ZDHHC13: variants seen among roughly 807,000 people sequenced by gnomAD.
The protein encoded by ZDHHC13 is palmitoyltransferase ZDHHC13.
Under a neutral mutation model 86.0 loss-of-function variants are expected in ZDHHC13, and 85 were observed. That is an observed-to-expected ratio of 0.99 (90% confidence interval 0.83 to 1.18). The LOEUF (loss-of-function observed/expected upper bound fraction) is 1.18. Ranked by LOEUF, ZDHHC13 falls within the 50% of genes most tolerant of loss-of-function variation. The pLI is 0.00. For missense variants in ZDHHC13, 711 were observed against 730.2 expected (o/e 0.97, Z 0.30); for synonymous variants, 263 against 246.4 (o/e 1.07, Z -0.63).
chr11:19,154,203 A>G (rs1399943483), intron 8 of ZDHHC13, among the ~76,000 whole-genome samples: 2 of 152,196 alleles, frequency 1.3e-5, no homozygotes, highest in Admixed American at 6.6e-5. Context: ...AAGTTCATTG[A>G]TGTGTCCCAA....
At chr11:19,151,928 G>A (rs1368055516) in intron 6 of ZDHHC13, among the ~76,000 whole-genome samples, 2 of 151,974 alleles carry the variant, frequency 1.3e-5, no homozygotes, top group African/African-American at 4.8e-5. Flanking sequence ...TTATTCCACT[G>A]CATTGTTAAA....
chr11:19,172,795 T>C lies in ZDHHC13; in HGVS notation c.1705T>C (p.Leu569=). Reference sequence around the variant, plus strand: ...GCAGAGCAAGCATATGAAACAGACGTTGTCCCTCAGGAAGACACCATACAA... The same window carrying C: ...GCAGAGCAAGCATATGAAACAGACGCTGTCCCTCAGGAAGACACCATACAA... ...QKQSKHMKQT[L]SLRKTPYNLG... is the part of the protein sequence containing the mutation. The change falls in exon 16 of 17, where the codon TTG becomes CTG. Residue 569 remains leucine (L), a synonymous_variant. Transcript: ENST00000446113. The C allele has an allele frequency of 6.2e-7, 1 of 1,605,240 alleles. No individual in the cohort carries two copies.
At chr11:19,140,957 C>T (rs928151756) in intron 1 of ZDHHC13, among the ~76,000 whole-genome samples, 1 of 150,756 alleles carries the variant, frequency 6.6e-6, no homozygotes, top group Non-Finnish European at 1.5e-5. Flanking sequence ...GGGAGATATA[C>T]CTAATGTAGA....
chr11:19,161,366 G>T (rs549906174), intron 10 of ZDHHC13, among the ~76,000 whole-genome samples: 1 of 152,080 alleles, frequency 6.6e-6, no homozygotes, highest in African/African-American at 2.4e-5. Context: ...TCATGGTGTG[G>T]CTGCAAGGAT....
intron 1 of ZDHHC13, among the ~76,000 whole-genome samples, chr11:19,130,548 A>G (rs1428373707): frequency 1.3e-5 from 2 of 152,136 alleles, no homozygotes; most frequent in Non-Finnish European, 2.9e-5. Context: ...TCTGTTTTAT[A>G]GTTAACGAAT....
chr11:19,119,903 G>A (rs1018308165), intron 1 of ZDHHC13, among the ~76,000 whole-genome samples: 1 of 151,962 alleles, frequency 6.6e-6, no homozygotes, highest in Non-Finnish European at 1.5e-5. Flanking sequence ...CTTTTAATGA[G>A]TGTCACATAT....
At chr11:19,165,202 A>G in intron 13 of ZDHHC13, 57 bp downstream of exon 13, 1 of 1,534,138 alleles carries the variant, frequency 6.5e-7, no homozygotes, top group African/African-American at 1.4e-5. Flanking sequence ...TTTAGTTATG[A>G]CTCACAGAAA....
At chr11:19,159,122 G>T (rs987429270) in intron 10 of ZDHHC13, 82 bp downstream of exon 10, 11 of 984,538 alleles carry the variant, frequency 1.1e-5, no homozygotes, top group Non-Finnish European at 1.6e-5. Flanking sequence ...TTAGGTATTG[G>T]AAAAGGCCCA....
chr11:19,142,118 A>ACAGTTGACATCAAGGCTGAGCTTGG (rs1849338877), intron 1 of ZDHHC13, among the ~76,000 whole-genome samples: 1 of 152,142 alleles, frequency 6.6e-6, no homozygotes, highest in East Asian at 1.9e-4. Flanking sequence ...AGGGTCTCTC[A>ACAGTTGACATCAAGGCTGAGCTTGG]CAGTTGACAT....
intron 9 of ZDHHC13, 131 bp downstream of exon 9, chr11:19,156,060 C>T (rs756416396): frequency 9.1e-5 from 104 of 1,148,296 alleles, no homozygotes; most frequent in Admixed American, 2.6e-4. Context: ...CAGCATCCTG[C>T]GGGTGGATGG....
At chr11:19,123,670 A>C (rs1259119478) in intron 1 of ZDHHC13, among the ~76,000 whole-genome samples, 1 of 152,110 alleles carries the variant, frequency 6.6e-6, no homozygotes, top group African/African-American at 2.4e-5. Context: ...AAAAGGCTTA[A>C]TCTTTCTAAC....
chr11:19,148,626 G>C (rs567174937), intron 4 of ZDHHC13: 1 of 152,300 alleles, frequency 6.6e-6, no homozygotes, highest in South Asian at 2.1e-4. Flanking sequence ...TGAAGGTCAG[G>C]TTTAGGGTAG....
At chr11:19,172,655 C>T (rs1255052344) in intron 15 of ZDHHC13, 68 bp from the exon 16 acceptor site, 1 of 1,277,188 alleles carries the variant, frequency 7.8e-7, no homozygotes, top group African/African-American at 1.5e-5. Context: ...TGATACTGAT[C>T]TTATATTGTT....
At position 19,133,920 on chromosome 11, in the gene ZDHHC13, CATAT is replaced by C. The variant is rs1554961794; in HGVS notation, c.28-9038_28-9035del. 1.4e-4 allele frequency among the ~76,000 whole-genome samples: 12 copies of C among 83,408 alleles called. 1 individual carries two copies. The highest frequency in any genetic ancestry group is 3.1e-4 in the African/African-American group (8 of 25,972). 54.7% of individuals were successfully genotyped at this position (83,408 alleles called of 152,430 possible). A position where few individuals can be genotyped will look rare whatever the true frequency, so the allele number is the denominator to read the frequency against. On this transcript the variant is annotated intron_variant, in intron 1 of 16. Transcript: ENST00000446113. ...TTCTTTACTCTTTACGAAAGAAGTC[CATAT>C]ATATATATATATATATATACACGTA...
chr11:19,148,341 G>A (rs1391870817), intron 4 of ZDHHC13, among the ~76,000 whole-genome samples: 1 of 151,814 alleles, frequency 6.6e-6, no homozygotes, highest in East Asian at 1.9e-4. Context: ...TTTCTCCATA[G>A]CTAAGAGTTT....
upstream of ZDHHC13, chr11:19,117,123 G>T: frequency 9.7e-7 from 1 of 1,032,622 alleles, no homozygotes; most frequent in Non-Finnish European, 1.4e-6. This position sits in a 1 kb window ranked among gnomAD's most constrained non-coding sequence, Gnocchi z 4.2. Context: ...GGCACGAGCG[G>T]GGACCGCAGC....
intron 1 of ZDHHC13, among the ~76,000 whole-genome samples, chr11:19,134,022 C>T (rs1485496289): frequency 1.3e-5 from 2 of 149,044 alleles, no homozygotes; most frequent in African/African-American, 4.9e-5. Flanking sequence ...AAATATGAGT[C>T]TCTTTTATAT....
intron 16 of ZDHHC13, among the ~76,000 whole-genome samples, chr11:19,175,285 G>C (rs1850328708): frequency 6.6e-6 from 1 of 150,852 alleles, no homozygotes; most frequent in Admixed American, 6.6e-5. Flanking sequence ...AGCTACTCAG[G>C]AGGCTGAGGC....
intron 16 of ZDHHC13, among the ~76,000 whole-genome samples, chr11:19,175,557 A>G (rs777373896): frequency 3.9e-5 from 6 of 152,084 alleles, no homozygotes; most frequent in Non-Finnish European, 8.8e-5. Flanking sequence ...TTAAGTGGGG[A>G]ATCCAAAATG....
Sources: allele counts gnomAD v4.1 joint callset (sites outside exome capture counted in the v4.1 genomes callset), GRCh38; gene constraint gnomAD v4.1.1; non-coding constraint Gnocchi (gnomAD v3.1); transcripts MANE v1.5; gene names NCBI Gene and HGNC (gene_info 2026-07-23, HGNC 2026-07-21).